Variants in PDE4D observed in about 807,000 individuals in gnomAD.
PDE4D encodes the protein 3',5'-cyclic-AMP phosphodiesterase 4D.
In PDE4D, 24 loss-of-function variants were observed where a neutral mutation model predicts 87.4. That is an observed-to-expected ratio of 0.27 (90% CI 0.20 to 0.39). The LOEUF (loss-of-function observed/expected upper bound fraction) is 0.39. Among genes scored for constraint, PDE4D ranks in the 10% least tolerant of loss-of-function variants. The pLI is 1.00. For missense variants in PDE4D, 714 were observed against 1,041.0 expected (o/e 0.69, Z 4.32); for synonymous variants, 384 against 383.2 (o/e 1.00, Z -0.02).
intron 1 of PDE4D, among the ~76,000 whole-genome samples, chr5:59,685,527 A>G (rs886897656): frequency 6.6e-6 from 1 of 152,176 alleles, no homozygotes; most frequent in Non-Finnish European, 1.5e-5. Flanking sequence ...AGGCACTGAA[A>G]AAATTTTCCC....
intron 2 of PDE4D, among the ~76,000 whole-genome samples, chr5:60,049,262 T>A (rs941298690): frequency 3.3e-5 from 5 of 152,204 alleles, no homozygotes; most frequent in Non-Finnish European, 7.3e-5. Context: ...TAGTTATACA[T>A]TCTTCTCAAT....
intron 1 of PDE4D, among the ~76,000 whole-genome samples, chr5:59,639,323 AAAG>A (rs1325386903): frequency 6.6e-6 from 1 of 152,200 alleles, no homozygotes; most frequent in Non-Finnish European, 1.5e-5. Flanking sequence ...AAATTCCTAC[AAAG>A]AAGAGAAAAT....
chr5:59,864,868 T>A (rs1421362389), intron 1 of PDE4D, among the ~76,000 whole-genome samples: 1 of 152,096 alleles, frequency 6.6e-6, no homozygotes, highest in Non-Finnish European at 1.5e-5. Context: ...ATGATGTCAC[T>A]CCACCAGGTT....
chr5:59,372,781 G>A (rs1784132270), intron 1 of PDE4D, among the ~76,000 whole-genome samples: 1 of 152,174 alleles, frequency 6.6e-6, no homozygotes, highest in South Asian at 2.1e-4. Context: ...ACACCCACTA[G>A]CACTTCACTG....
At chr5:60,397,526 T>C (rs373966611) in intron 1 of PDE4D, among the ~76,000 whole-genome samples, 1 of 152,268 alleles carries the variant, frequency 6.6e-6, no homozygotes, top group Admixed American at 6.5e-5. Context: ...TTAAGTGAAA[T>C]AAGCCAAGCA....
At chr5:59,201,378 A>C (rs1231324764) in intron 2 of PDE4D, among the ~76,000 whole-genome samples, 1 of 152,122 alleles carries the variant, frequency 6.6e-6, no homozygotes, top group Non-Finnish European at 1.5e-5. Context: ...CTACCAAGAA[A>C]ATTTTGCAAA....
chr5:59,403,607 G>C (rs982225150), intron 1 of PDE4D, among the ~76,000 whole-genome samples: 1 of 151,986 alleles, frequency 6.6e-6, no homozygotes, highest in Non-Finnish European at 1.5e-5. Context: ...ACATCCTCCA[G>C]TTACATCCAT....
Position 59,278,359 on chromosome 5 carries a change from C to A in PDE4D, c.456-62391G>T, listed in dbSNP as rs529488903. 2.0e-5 allele frequency among the ~76,000 whole-genome samples: 3 copies of A among 152,186 alleles called. No individual in the cohort carries two copies. The East Asian group carries it at 5.8e-4, about 29-fold the overall frequency. On this transcript the variant is annotated intron_variant, in intron 1 of 14. Transcript: ENST00000340635. ...ATGAGGAGGCCTGAATATGGGGAGA[C>A]TGGATTTAGGAACCATGTGGCCCAT...
intron 1 of PDE4D, among the ~76,000 whole-genome samples, chr5:59,824,006 A>C (rs1342879360): frequency 6.6e-6 from 1 of 151,630 alleles, no homozygotes; most frequent in Non-Finnish European, 1.5e-5. Flanking sequence ...TCTTCATAGC[A>C]GTTCTCACTG....
chr5:59,511,602 T>A (rs1374674075), intron 1 of PDE4D, among the ~76,000 whole-genome samples: 1 of 152,012 alleles, frequency 6.6e-6, no homozygotes, highest in Non-Finnish European at 1.5e-5. Flanking sequence ...TGTGAATTCA[T>A]AAGAAATTCA....
At chr5:59,857,892 G>A (rs181769415) in intron 1 of PDE4D, among the ~76,000 whole-genome samples, 1 of 130,924 alleles carries the variant, frequency 7.6e-6, no homozygotes, top group African/African-American at 2.8e-5. Context: ...AAGGAAGGAA[G>A]GAAGGAAAGA....
intron 5 of PDE4D, among the ~76,000 whole-genome samples, chr5:59,141,001 AAAGAG>A (rs1300004144): frequency 1.3e-5 from 2 of 152,194 alleles, no homozygotes; most frequent in Admixed American, 6.5e-5. Flanking sequence ...TTTAGGGGCC[AAAGAG>A]AAGAGTTAAA....
At chr5:60,161,332 C>T (rs1047176650) in intron 2 of PDE4D, among the ~76,000 whole-genome samples, 1 of 152,128 alleles carries the variant, frequency 6.6e-6, no homozygotes, top group Admixed American at 6.6e-5. Flanking sequence ...TATTACATTA[C>T]ATTAACTTTA....
chr5:59,298,844 A>T (rs570377511), intron 1 of PDE4D, among the ~76,000 whole-genome samples: 4 of 152,340 alleles, frequency 2.6e-5, no homozygotes, highest in African/African-American at 9.6e-5. Flanking sequence ...AATTTCAAGT[A>T]AACATGTAAC....
At chr5:59,640,364 A>G (rs2150189450) in intron 1 of PDE4D, among the ~76,000 whole-genome samples, 1 of 152,346 alleles carries the variant, frequency 6.6e-6, no homozygotes, top group East Asian at 1.9e-4. Context: ...AGCTAGCTGC[A>G]TTAAGTCAAT....
chr5:60,237,520 G>C lies in PDE4D; in HGVS notation c.-89-51833C>G, dbSNP rs574027407. ...GTAGAAAAAGAGCCAATTTCAAAAA[G>C]TCACACTATATGGTTTAATTTATAT... On this transcript the variant is annotated intron_variant, in intron 1 of 16. Transcript: ENST00000502484. Among the ~76,000 whole-genome samples the C allele has an allele frequency of 1.1e-4, 16 of 152,092 alleles. No individual in the cohort carries two copies. The South Asian group carries it at 3.3e-3, about 32-fold the overall frequency.
At chr5:60,437,403 C>A (rs1278091963) in intron 1 of PDE4D, among the ~76,000 whole-genome samples, 2 of 152,030 alleles carry the variant, frequency 1.3e-5, no homozygotes, top group Non-Finnish European at 1.5e-5. Flanking sequence ...GAGCAAAGTG[C>A]CTTATACAAA....
intron 1 of PDE4D, among the ~76,000 whole-genome samples, chr5:59,741,179 G>C (rs564499528): frequency 1.3e-5 from 2 of 152,140 alleles, no homozygotes; most frequent in African/African-American, 2.4e-5. Flanking sequence ...CAAACAATTT[G>C]TGTCTATGTC....
At chr5:59,281,400 C>A (rs1017782498) in intron 1 of PDE4D, among the ~76,000 whole-genome samples, 5 of 152,074 alleles carry the variant, frequency 3.3e-5, no homozygotes, top group African/African-American at 1.2e-4. Context: ...AAGATTGTTT[C>A]TCCACAGTTT....
Sources: gnomAD v4.1 joint callset for allele counts (sites outside exome capture counted in the v4.1 genomes callset) on GRCh38, gnomAD v4.1.1 for gene constraint, MANE v1.5 for transcripts, NCBI Gene and HGNC (gene_info 2026-07-23, HGNC 2026-07-21) for gene names.